Variants in ZNF804B observed in about 807,000 individuals in gnomAD.
ZNF804B encodes the protein zinc finger protein 804B.
ZNF804B carries 80 observed loss-of-function variants against 101.4 expected under a neutral mutation model. The ratio of observed to expected loss-of-function variants is 0.79; its 90% CI spans 0.66 to 0.95. The LOEUF is 0.95. Ranked by LOEUF, ZNF804B falls within the 40% of genes least tolerant of loss-of-function variation. The pLI is 0.00. For synonymous variants in ZNF804B, 622 were observed against 558.8 expected (o/e 1.11, Z -1.59); for missense variants, 1,673 against 1,561.9 (o/e 1.07, Z -1.20).
At chr7:89,220,002 T>TACATATATGTGTGCATATATATAC (rs1491540820) in intron 2 of ZNF804B, among the ~76,000 whole-genome samples, 23 of 27,578 alleles carry the variant, frequency 8.3e-4, no homozygotes, top group South Asian at 1.4e-3. Flanking sequence ...TATATGTATA[T>TACATATATGTGTGCATATATATAC]GCACATATAT....
At chr7:88,883,418 G>A (rs900386925) in intron 1 of ZNF804B, among the ~76,000 whole-genome samples, 1 of 152,064 alleles carries the variant, frequency 6.6e-6, no homozygotes, top group African/African-American at 2.4e-5. Context: ...ATAAGGCATG[G>A]CCATATAACT....
At chr7:88,862,578 C>G (rs1301949004) in intron 1 of ZNF804B, among the ~76,000 whole-genome samples, 1 of 152,106 alleles carries the variant, frequency 6.6e-6, no homozygotes, top group Non-Finnish European at 1.5e-5. Context: ...CCTAAAGTCA[C>G]CCCTTTGTAG....
At chr7:89,091,796 A>G (rs1264270480) in intron 1 of ZNF804B, among the ~76,000 whole-genome samples, 2 of 152,168 alleles carry the variant, frequency 1.3e-5, no homozygotes, top group Non-Finnish European at 2.9e-5. Context: ...TGAATGAGTG[A>G]TACTATGAGT....
intron 1 of ZNF804B, among the ~76,000 whole-genome samples, chr7:89,122,471 C>A (rs1435198931): frequency 1.3e-5 from 2 of 152,164 alleles, no homozygotes; most frequent in African/African-American, 4.8e-5. Flanking sequence ...GATGAAAAAT[C>A]AAACTGACTT....
At chr7:88,812,910 A>G (rs1296425704) in intron 1 of ZNF804B, among the ~76,000 whole-genome samples, 1 of 152,012 alleles carries the variant, frequency 6.6e-6, no homozygotes, top group Non-Finnish European at 1.5e-5. Flanking sequence ...GAGAGGGGAA[A>G]ATGGGGAGTT....
chr7:89,007,443 A>AC (rs1562857769), intron 1 of ZNF804B, among the ~76,000 whole-genome samples: 1 of 44,104 alleles, frequency 2.3e-5, no homozygotes, highest in African/African-American at 1.1e-4. Context: ...GTTATCCATG[A>AC]TTTTATATAT....
chr7:89,221,691 TTTCTATTCTATTCTATTCTATTCTA>T (rs61397319), intron 2 of ZNF804B, among the ~76,000 whole-genome samples: 1,548 of 142,592 alleles, frequency 0.011, 28 homozygotes, highest in African/African-American at 0.035. Context: ...TTCCTCAATA[TTTCTATTCTATTCTATTCTATTCTA>T]TTCTATTCTA....
chr7:89,188,145 C>G (rs1340605118), intron 1 of ZNF804B, among the ~76,000 whole-genome samples: 1 of 152,078 alleles, frequency 6.6e-6, no homozygotes, highest in Non-Finnish European at 1.5e-5. Flanking sequence ...ATTCTCCCGA[C>G]AGCCTGTGCT....
At chr7:88,852,848 C>G (rs779533740) in intron 1 of ZNF804B, among the ~76,000 whole-genome samples, 7 of 152,098 alleles carry the variant, frequency 4.6e-5, no homozygotes, top group Non-Finnish European at 1.0e-4. Flanking sequence ...AGGTTATGCA[C>G]TTTATCCCAA....
At chr7:89,216,055 G>T (rs61184826) in intron 1 of ZNF804B, among the ~76,000 whole-genome samples, 18,549 of 152,126 alleles carry the variant, frequency 0.12, 1,201 homozygotes, top group Middle Eastern at 0.25. Flanking sequence ...TATAATGCCA[G>T]TGCTTTGGGA....
chr7:88,845,146 G>A (rs1583971935), intron 1 of ZNF804B, among the ~76,000 whole-genome samples: 1 of 152,176 alleles, frequency 6.6e-6, no homozygotes, highest in East Asian at 1.9e-4. Context: ...TGTAGCAATA[G>A]CTCTTGCCTT....
intron 1 of ZNF804B, among the ~76,000 whole-genome samples, chr7:88,919,258 A>C (rs1792684221): frequency 6.6e-6 from 1 of 152,166 alleles, no homozygotes; most frequent in Non-Finnish European, 1.5e-5. Context: ...AAGTGTAGTG[A>C]AAATAAAACA....
intron 1 of ZNF804B, among the ~76,000 whole-genome samples, chr7:88,962,341 G>A (rs553593042): frequency 3.3e-5 from 5 of 151,180 alleles, no homozygotes; most frequent in Non-Finnish European, 7.4e-5. Flanking sequence ...GCCAGATGAC[G>A]ATATGTAGTT....
In ZNF804B at chr7:89,332,634, A is replaced by C. The variant is rs573927173; in HGVS notation, c.381-729A>C. ...TTGATATTTTCAATCTTCTGTATGA[A>C]TTGCTAATGAAGCTCAGTAGAACAA... On this transcript the variant is annotated intron_variant, in intron 3 of 3. Coordinates refer to ENST00000333190, the MANE Select transcript of ZNF804B (RefSeq NM_181646.5). Among the ~76,000 whole-genome samples, 5 of 151,998 alleles carry C rather than the reference A, an allele frequency of 3.3e-5. No individual in the cohort carries two copies. The South Asian group carries it at 6.2e-4, about 19-fold the overall frequency.
At chr7:88,988,891 C>T (rs557192300) in intron 1 of ZNF804B, among the ~76,000 whole-genome samples, 5 of 152,074 alleles carry the variant, frequency 3.3e-5, no homozygotes, top group Non-Finnish European at 7.4e-5. Flanking sequence ...GGCTAGCCCT[C>T]CCATTAAATC....
intron 2 of ZNF804B, among the ~76,000 whole-genome samples, chr7:89,301,978 T>A (rs1790482049): frequency 6.6e-6 from 1 of 151,970 alleles, no homozygotes; most frequent in Non-Finnish European, 1.5e-5. Context: ...TCACTTTAAA[T>A]GCTATGACTT....
chr7:89,306,290 G>A (rs1790560730), intron 2 of ZNF804B, among the ~76,000 whole-genome samples: 1 of 151,944 alleles, frequency 6.6e-6, no homozygotes, highest in Non-Finnish European at 1.5e-5. Flanking sequence ...GAATGTGAAA[G>A]CAGGTCAAAT....
chr7:89,091,460 T>G, intron 1 of ZNF804B, among the ~76,000 whole-genome samples: 1 of 152,086 alleles, frequency 6.6e-6, no homozygotes, highest in African/African-American at 2.4e-5. Context: ...TTTGAATGAA[T>G]ACTGGAATTT....
intron 1 of ZNF804B, among the ~76,000 whole-genome samples, chr7:89,199,048 A>G (rs1474929938): frequency 2.6e-5 from 4 of 152,006 alleles, no homozygotes; most frequent in Non-Finnish European, 4.4e-5. Context: ...CTGCTTGCAC[A>G]GGATTTTTTC....
Sources: gnomAD v4.1 joint callset for allele counts (sites outside exome capture counted in the v4.1 genomes callset) on GRCh38, gnomAD v4.1.1 for gene constraint, MANE v1.5 for transcripts, NCBI Gene and HGNC (gene_info 2026-07-23, HGNC 2026-07-21) for gene names.